TRIM23: variants seen among roughly 807,000 people sequenced by gnomAD.
TRIM23 encodes the protein tripartite motif containing 23, also known as E3 ubiquitin-protein ligase TRIM23.
Under a neutral mutation model 71.0 loss-of-function variants are expected in TRIM23, and 27 were observed. The ratio of observed to expected loss-of-function variants is 0.38; its 90% confidence interval spans 0.28 to 0.52. The LOEUF (loss-of-function observed/expected upper bound fraction) is 0.52. Ranked by LOEUF, TRIM23 falls within the 20% of genes least tolerant of loss-of-function variation. The pLI, the probability that TRIM23 is intolerant of heterozygous loss-of-function variation, is 0.84. For missense variants in TRIM23, 482 were observed against 692.3 expected, an observed-to-expected ratio of 0.70 and a Z score of 3.41; for synonymous variants, 234 against 238.0, an observed-to-expected ratio of 0.98 and a Z score of 0.16.
intron 9 of TRIM23, 119 bp downstream of exon 9, chr5:65,596,302 G>C: frequency 2.9e-6 from 2 of 691,846 alleles, no homozygotes; most frequent in Non-Finnish European, 5.1e-6. Flanking sequence ...ACTGGCCACA[G>C]GTACTTAAGT....
intron 5 of TRIM23, 53 bp from the exon 6 acceptor site, chr5:65,609,511 C>T: frequency 6.5e-7 from 1 of 1,528,300 alleles, no homozygotes; most frequent in Non-Finnish European, 8.9e-7. Context: ...AAAGATTTTA[C>T]CTGTGAAATA....
At position 65,591,940 on chromosome 5, in the gene TRIM23, A is replaced by C. The variant is rs776516236; in HGVS notation, c.1554T>G (p.Ala518=). 6.2e-7 allele frequency: 1 copy of C among 1,613,502 alleles called. No individual in the cohort carries two copies. The highest frequency in any genetic ancestry group is 2.2e-5 in the East Asian group (1 of 44,856). The change falls in exon 11 of 11, where the codon GCT becomes GCG. Residue 518 remains alanine, a synonymous_variant. Coordinates refer to ENST00000231524, the MANE Select transcript of TRIM23 (RefSeq NM_001656.4). Reference sequence around the variant, plus strand: ...TGATTTCTTCTACTGACAGTGCTCCAGCAACATCCTGAAAGATATATACAC... The same window carrying C: ...TGATTTCTTCTACTGACAGTGCTCCCGCAACATCCTGAAAGATATATACAC... The part of the protein sequence containing the change: ...LLIFANKQDV[A]GALSVEEITE...
At chr5:65,594,500 T>G (rs201826159) in intron 10 of TRIM23, 21 bp downstream of exon 10, 4 of 1,594,546 alleles carry the variant, frequency 2.5e-6, no homozygotes, top group Admixed American at 1.8e-5. Context: ...AAATAAATAT[T>G]CCAATATAAA....
At chr5:65,616,130 T>C (rs774289586) in intron 2 of TRIM23, among the ~76,000 whole-genome samples, 1 of 152,184 alleles carries the variant, frequency 6.6e-6, no homozygotes, top group Non-Finnish European at 1.5e-5. Context: ...AATTTCACCA[T>C]ATGAGCAGAA....
chr5:65,593,538 T>C (rs559291353), intron 10 of TRIM23, among the ~76,000 whole-genome samples: 109 of 152,346 alleles, frequency 7.2e-4, no homozygotes, highest in Middle Eastern at 3.4e-3. Flanking sequence ...CTTATTTGCA[T>C]GTCTTAAATA....
At chr5:65,603,058 A>G (rs971701195) in intron 7 of TRIM23, among the ~76,000 whole-genome samples, 5 of 152,238 alleles carry the variant, frequency 3.3e-5, no homozygotes, top group Admixed American at 6.5e-5. Flanking sequence ...TAAGCCAGCC[A>G]CAAAAAGGCA....
chr5:65,611,496 T>C, intron 4 of TRIM23, 107 bp downstream of exon 4: 1 of 1,285,556 alleles, frequency 7.8e-7, no homozygotes, highest in East Asian at 2.3e-5. Flanking sequence ...ATCACTTAAC[T>C]CTTCTTCAAT....
chr5:65,616,638 C>T (rs1754785650), intron 2 of TRIM23, among the ~76,000 whole-genome samples: 1 of 87,404 alleles, frequency 1.1e-5, no homozygotes, highest in South Asian at 4.5e-4. Flanking sequence ...TAACACTCTG[C>T]TTTAAAAAAA....
chr5:65,608,312 A>C (rs1018758884), intron 6 of TRIM23, among the ~76,000 whole-genome samples: 1 of 152,146 alleles, frequency 6.6e-6, no homozygotes, highest in African/African-American at 2.4e-5. Context: ...TTCTAGCCCT[A>C]GTATCACAAA....
At chr5:65,613,660 A>G (rs16894099) in intron 3 of TRIM23, 361,182 of 1,115,222 alleles carry the variant, frequency 0.32, 60,525 homozygotes, top group South Asian at 0.37. Flanking sequence ...CTATAACAGT[A>G]ACAATTCCCT....
At chr5:65,592,063 A>G in intron 10 of TRIM23, 115 bp from the exon 11 acceptor site, 1 of 977,972 alleles carries the variant, frequency 1.0e-6, no homozygotes, top group South Asian at 2.1e-5. Context: ...TAAACAAAAA[A>G]CCTAGATTCA....
intron 4 of TRIM23, among the ~76,000 whole-genome samples, 188 bp downstream of exon 4, chr5:65,611,415 G>GT (rs372586182): frequency 3.1e-3 from 443 of 143,772 alleles, no homozygotes; most frequent in South Asian, 0.015. Context: ...CCTCTTTGAA[G>GT]TTTTTTTTTT....
intron 1 of TRIM23, 35 bp from the exon 2 acceptor site, chr5:65,618,290 C>G (rs1285421872): frequency 1.3e-6 from 2 of 1,569,018 alleles, no homozygotes. Flanking sequence ...GCTCTTTAAA[C>G]AATTTTAAAA....
chr5:65,599,656 A>G (rs982883437), intron 7 of TRIM23, among the ~76,000 whole-genome samples: 13 of 152,214 alleles, frequency 8.5e-5, no homozygotes, highest in African/African-American at 2.9e-4. Flanking sequence ...TAAGATATGA[A>G]TAACAGCCCA....
chr5:65,614,734 C>CA (rs761305985), intron 2 of TRIM23, among the ~76,000 whole-genome samples: 1,617 of 78,476 alleles, frequency 0.021, 20 homozygotes, highest in Middle Eastern at 0.067. Context: ...GACTCTATCT[C>CA]AAAAAAAAAA....
At position 65,611,833 on chromosome 5, in the gene TRIM23, A is replaced by G. The variant is rs746437274; in HGVS notation, c.415T>C (p.Cys139Arg). 1 of 1,614,188 alleles carries G rather than the reference A, an allele frequency of 6.2e-7. No homozygotes were observed. Among genetic ancestry groups the G allele is most frequent in the Admixed American group, 1.7e-5 (1 of 60,024 alleles). ...CACAAATGAGTTGCACACACAGTGC[A>G]ATATACAGAGGCAAGGTGAGCTTCA... ...EDEAHLASVY[C>R]TVCATHLCSE... The change falls in exon 4 of 11, where the codon TGC becomes CGC. Residue 139 changes from cysteine to arginine, a missense_variant. Around this residue, in one of 2 missense-constraint regions of TRIM23, gnomAD observed 175 missense variants for 196.5 expected, o/e 0.89. Coordinates refer to ENST00000231524, the MANE Select transcript of TRIM23 (RefSeq NM_001656.4).
chr5:65,610,994 T>C lies in TRIM23; in HGVS notation c.695A>G (p.Asp232Gly). Residue 232 changes from aspartate (D) to glycine (G), a missense_variant, in exon 5 of 11, where the codon GAT (aspartate) becomes GGT (glycine). By Grantham distance (94) the Asp-to-Gly change is moderately conservative (BLOSUM62 -1). Around this residue, in one of 2 missense-constraint regions of TRIM23, gnomAD observed 307 missense variants for 495.8 expected, o/e 0.62. Transcript: ENST00000231524. ...GAAGGTCCGTATGCAGTGAGCCATA[T>C]CTAAAATTGATGCTCGGATCTGATT... is the stretch of plus-strand genomic sequence containing the variant. ...EANQIRASIL[D>G]MAHCIRTFTE... The C allele has an allele frequency of 9.3e-6, 15 of 1,613,514 alleles. No individual in the cohort carries two copies. Among genetic ancestry groups the C allele is most frequent in the South Asian group, 2.2e-5 (2 of 90,926 alleles).
intron 6 of TRIM23, among the ~76,000 whole-genome samples, chr5:65,606,136 A>G (rs557473512): frequency 4.4e-4 from 67 of 152,296 alleles, no homozygotes; most frequent in African/African-American, 1.3e-3. Context: ...CAATGGTCCT[A>G]TCCCAATCAG....
At chr5:65,603,096 G>C (rs1754405165) in intron 7 of TRIM23, among the ~76,000 whole-genome samples, 1 of 152,158 alleles carries the variant, frequency 6.6e-6, no homozygotes. Flanking sequence ...CTTATATGAG[G>C]TATCTAGTCA....
Sources: allele counts gnomAD v4.1 joint callset (sites outside exome capture counted in the v4.1 genomes callset), GRCh38; gene constraint gnomAD v4.1.1; regional missense constraint gnomAD v4.1.1; transcripts MANE v1.5; gene names NCBI Gene and HGNC (gene_info 2026-07-23, HGNC 2026-07-21).